Variants in RBFOX1 observed in about 807,000 individuals in gnomAD.
RBFOX1 encodes RNA binding fox-1 homolog 1.
RBFOX1 carries 8 observed loss-of-function variants against 57.7 expected under a neutral mutation model. That is an observed-to-expected ratio of 0.14 (90% CI 0.08 to 0.25). The LOEUF (loss-of-function observed/expected upper bound fraction) is 0.25, where lower values mean the gene tolerates loss of function less well. Ranked by LOEUF, RBFOX1 falls within the 10% of genes least tolerant of loss-of-function variation. The pLI, the probability that RBFOX1 is intolerant of heterozygous loss-of-function variation, is 1.00. For missense variants in RBFOX1, 611 were observed against 548.5 expected (o/e 1.11, Z -1.14); for synonymous variants, 326 against 222.4 (o/e 1.47, Z -4.15).
chr16:6,535,719 C>T (rs1394558018), intron 2 of RBFOX1, among the ~76,000 whole-genome samples: 1 of 152,188 alleles, frequency 6.6e-6, no homozygotes, highest in Non-Finnish European at 1.5e-5. Context: ...GCCCTTCGAG[C>T]AAGGGCTGGA....
chr16:5,908,746 T>C (rs1280669545), intron 4 of RBFOX1, among the ~76,000 whole-genome samples: 1 of 152,136 alleles, frequency 6.6e-6, no homozygotes, highest in African/African-American at 2.4e-5. Flanking sequence ...GACTGAATGT[T>C]TGTGTCCCAC....
intron 2 of RBFOX1, among the ~76,000 whole-genome samples, chr16:5,560,612 T>C (rs2045857040): frequency 6.6e-6 from 1 of 152,218 alleles, no homozygotes; most frequent in South Asian, 2.1e-4. Context: ...GTGTGCAGTA[T>C]GTATTTATTG....
At chr16:6,555,084 C>T (rs1440532800) in intron 2 of RBFOX1, among the ~76,000 whole-genome samples, 1 of 152,114 alleles carries the variant, frequency 6.6e-6, no homozygotes, top group East Asian at 1.9e-4. Flanking sequence ...CACATGGAAA[C>T]ACAGGGAAGG....
At chr16:6,889,070 G>C (rs75438504) in intron 3 of RBFOX1, among the ~76,000 whole-genome samples, 4,211 of 152,152 alleles carry the variant, frequency 0.028, 207 homozygotes, top group African/African-American at 0.096. Context: ...TTCCCTTATA[G>C]ACACGGGTTG....
chr16:6,278,828 T>C (rs2076095311), intron 1 of RBFOX1, among the ~76,000 whole-genome samples: 1 of 152,300 alleles, frequency 6.6e-6, no homozygotes, highest in African/African-American at 2.4e-5. Context: ...CTTAACAGCA[T>C]TGTAAGGTTC....
At chr16:5,990,422 C>T (rs1330235485) in intron 4 of RBFOX1, among the ~76,000 whole-genome samples, 3 of 152,292 alleles carry the variant, frequency 2.0e-5, no homozygotes, top group South Asian at 2.1e-4. Flanking sequence ...CGTGTTATGA[C>T]CAAACTTATT....
At chr16:7,235,388 G>A (rs1226680159) in intron 4 of RBFOX1, among the ~76,000 whole-genome samples, 1 of 152,204 alleles carries the variant, frequency 6.6e-6, no homozygotes, top group Non-Finnish European at 1.5e-5. Flanking sequence ...AAGAGAATGA[G>A]TAAGTGACCT....
At chr16:6,999,579 T>C (rs1174035453) in intron 3 of RBFOX1, among the ~76,000 whole-genome samples, 1 of 152,154 alleles carries the variant, frequency 6.6e-6, no homozygotes, top group Non-Finnish European at 1.5e-5. Context: ...ATCCCTCATA[T>C]GCTTTACAGC....
chr16:6,763,104 G>T (rs1324672052), intron 3 of RBFOX1, among the ~76,000 whole-genome samples: 1 of 152,188 alleles, frequency 6.6e-6, no homozygotes, highest in African/African-American at 2.4e-5. Context: ...GTAAATGTCA[G>T]ACCACTGTCT....
At chr16:7,442,602 C>G (rs1054264888) in intron 4 of RBFOX1, among the ~76,000 whole-genome samples, 2 of 152,106 alleles carry the variant, frequency 1.3e-5, no homozygotes, top group Non-Finnish European at 2.9e-5. Flanking sequence ...CAGGCCTAAA[C>G]AGATGAGGCA....
intron 2 of RBFOX1, among the ~76,000 whole-genome samples, chr16:6,534,325 C>T (rs956663368): frequency 2.6e-5 from 4 of 151,902 alleles, no homozygotes; most frequent in Non-Finnish European, 5.9e-5. Flanking sequence ...AGTTATCCAC[C>T]AAAGAGTCCA....
chr16:6,712,883 GTTTTTTTTTTTT>G lies in RBFOX1; in HGVS notation c.-16+58247_-16+58258del, dbSNP rs61328266. Among the ~76,000 whole-genome samples the G allele has an allele frequency of 1.2e-4, 10 of 83,026 alleles. No homozygotes were observed. The East Asian group carries it at 2.4e-3, about 20-fold the overall frequency. The allele number at this position is 83,026 out of a possible 152,430, so 54.5% of individuals were successfully genotyped here. A position where few individuals can be genotyped will look rare whatever the true frequency, so the allele number is the denominator to read the frequency against. ...TGGGAGGTAATTGAATCATGGGGGT[GTTTTTTTTTTTT>G]TTTTTTTTTTTTTCCTGTGCTGTTC... On this transcript the variant is annotated intron_variant, in intron 3 of 15. Coordinates refer to ENST00000550418, the MANE Select transcript of RBFOX1 (RefSeq NM_018723.4).
intron 1 of RBFOX1, among the ~76,000 whole-genome samples, chr16:6,156,900 C>T (rs997996047): frequency 5.3e-5 from 8 of 152,118 alleles, no homozygotes; most frequent in Non-Finnish European, 8.8e-5. Context: ...ATGGCAGGGG[C>T]ATGATTATGG....
At chr16:5,381,448 A>G (rs1297537425) in intron 1 of RBFOX1, among the ~76,000 whole-genome samples, 3 of 152,224 alleles carry the variant, frequency 2.0e-5, no homozygotes, top group Admixed American at 6.5e-5. Context: ...GCAGATTTGC[A>G]CTCAGTAGGT....
Position 7,111,033 on chromosome 16 carries a change from C to T in RBFOX1, c.27+58935C>T, listed in dbSNP as rs573008295. 3.9e-5 allele frequency among the ~76,000 whole-genome samples: 6 copies of T among 152,238 alleles called. No individual in the cohort carries two copies. In the South Asian group the frequency reaches 1.0e-3, roughly 26 times the overall value. On this transcript the variant is annotated intron_variant, in intron 4 of 15. Coordinates refer to ENST00000550418, the MANE Select transcript of RBFOX1 (RefSeq NM_018723.4). ...TTTTCTCCTAGAAGGGCATGGCACA[C>T]ACACACATAAAGGTTAAGAAAAAAT...
intron 3 of RBFOX1, among the ~76,000 whole-genome samples, chr16:5,740,896 A>G (rs2052747928): frequency 6.6e-6 from 1 of 152,186 alleles, no homozygotes; most frequent in African/African-American, 2.4e-5. Context: ...AGGGAACGGA[A>G]GTCACCGTTT....
intron 3 of RBFOX1, among the ~76,000 whole-genome samples, chr16:6,758,151 G>A (rs910514548): frequency 6.6e-6 from 1 of 152,074 alleles, no homozygotes; most frequent in South Asian, 2.1e-4. Context: ...TTTGTGGTCA[G>A]ACTTCAGGTA....
chr16:6,711,282 C>A (rs539382188), intron 3 of RBFOX1, among the ~76,000 whole-genome samples: 1 of 152,150 alleles, frequency 6.6e-6, no homozygotes, highest in Non-Finnish European at 1.5e-5. Flanking sequence ...CGCCCCTCCC[C>A]CCATGGCTTC....
intron 1 of RBFOX1, among the ~76,000 whole-genome samples, chr16:6,214,788 GGAGGGAGAGGGA>G (rs767823681): frequency 1.1e-5 from 1 of 92,612 alleles, no homozygotes; most frequent in Non-Finnish European, 2.2e-5. Flanking sequence ...AGGGAGAAGG[GGAGGGAGAGGGA>G]GAGGGACAGG....
Sources: allele counts gnomAD v4.1 joint callset (sites outside exome capture counted in the v4.1 genomes callset), GRCh38; gene constraint gnomAD v4.1.1; transcripts MANE v1.5; gene names NCBI Gene and HGNC (gene_info 2026-07-23, HGNC 2026-07-21).